TMEM185A: variants seen among roughly 807,000 people sequenced by gnomAD.
The protein encoded by TMEM185A is transmembrane protein 185A, also known as family with sequence similarity 11, member A.
Under a neutral mutation model 25.0 loss-of-function variants are expected in TMEM185A, and 9 were observed. The ratio of observed to expected loss-of-function variants is 0.36; its 90% confidence interval spans 0.22 to 0.63. The LOEUF is 0.63. TMEM185A is among the 20% of genes least tolerant of loss of function. The pLI, the probability that TMEM185A is intolerant of heterozygous loss-of-function variation, is 0.68. For missense variants in TMEM185A, 103 were observed against 237.4 expected, an observed-to-expected ratio of 0.43 and a Z score of 3.72; for synonymous variants, 45 against 93.5, an observed-to-expected ratio of 0.48 and a Z score of 2.99.
chrX:149,628,560 T>C (rs1293136113), intron 1 of TMEM185A, among the ~76,000 whole-genome samples: 1 of 112,153 alleles, frequency 8.9e-6, no homozygotes, highest in Non-Finnish European at 1.9e-5. Context: ...TTGACACTTG[T>C]GAATCATTCT....
intron 1 of TMEM185A, among the ~76,000 whole-genome samples, chrX:149,617,107 C>CA (rs1286342595): frequency 9.0e-6 from 1 of 111,659 alleles, no homozygotes; most frequent in African/African-American, 3.3e-5. Flanking sequence ...ATAACATATA[C>CA]AAAAATTTAT....
intron 3 of TMEM185A, among the ~76,000 whole-genome samples, chrX:149,607,395 G>A (rs2090058299): frequency 2.7e-5 from 3 of 112,061 alleles, no homozygotes; most frequent in Middle Eastern, 4.7e-3. Flanking sequence ...TTATGTGCCC[G>A]GGCTTTAGAG....
chrX:149,597,779 TCA>T lies in TMEM185A; in HGVS notation c.*230_*231del. The T allele has an allele frequency of 1.2e-5, 4 of 336,672 alleles. No individual in the cohort carries two copies. In the South Asian group the frequency reaches 1.7e-4, roughly 14 times the overall value. 27.7% of individuals were successfully genotyped at this position (336,672 alleles called of 1,213,427 possible). ...ACAGACGGTAATCCCACCCCTGTTC[TCA>T]CACTCTTCCTGGCATCCGCATCTGC... On this transcript the variant is annotated 3_prime_UTR_variant, in exon 7 of 7. Coordinates refer to ENST00000600449, the MANE Select transcript of TMEM185A (RefSeq NM_032508.4).
At chrX:149,615,267 C>T (rs1387500091) in intron 1 of TMEM185A, among the ~76,000 whole-genome samples, 3 of 111,647 alleles carry the variant, frequency 2.7e-5, no homozygotes, top group African/African-American at 6.5e-5. Context: ...AAGCATTTGA[C>T]GTAATTTGCT....
intron 4 of TMEM185A, chrX:149,603,669 A>T: frequency 5.6e-6 from 1 of 177,482 alleles, no homozygotes; most frequent in Non-Finnish European, 1.0e-5. Context: ...TGATACATGC[A>T]CTTGAAGAAT....
At chrX:149,605,714 T>A (rs1325533802) in intron 3 of TMEM185A, among the ~76,000 whole-genome samples, 1 of 112,353 alleles carries the variant, frequency 8.9e-6, no homozygotes, top group East Asian at 2.8e-4. Flanking sequence ...TTCTCCTGAA[T>A]CCCGTGCCCA....
chrX:149,611,586 A>T (rs2090084140), intron 1 of TMEM185A, 123 bp from the exon 2 acceptor site: 8 of 631,933 alleles, frequency 1.3e-5, no homozygotes, highest in Non-Finnish European at 1.9e-5. Context: ...ATAATCATTT[A>T]TTGAAAAGGT....
intron 2 of TMEM185A, 61 bp from the exon 3 acceptor site, chrX:149,608,895 G>T: frequency 1.0e-6 from 1 of 1,003,933 alleles, no homozygotes; most frequent in Non-Finnish European, 1.4e-6. Context: ...TAAGCAAGCA[G>T]TTCAGGGCAA....
In TMEM185A at chrX:149,621,801, G is replaced by C. The variant is rs138494760; in HGVS notation, c.38+9742C>G. On this transcript the variant is annotated intron_variant, in intron 1 of 6. Transcript: ENST00000600449. Reference sequence around the variant, plus strand: ...TGGAGAATGCAGTTCTTCTCATACTGAATCACTCTGACCTCCTTTTCTGTC... The same window carrying C: ...TGGAGAATGCAGTTCTTCTCATACTCAATCACTCTGACCTCCTTTTCTGTC... Among the ~76,000 whole-genome samples, 564 of 111,745 alleles carry C rather than the reference G, an allele frequency of 5.0e-3. 4 individuals carry two copies. The highest frequency in any genetic ancestry group is 0.014 in the Middle Eastern group (3 of 215).
intron 3 of TMEM185A, among the ~76,000 whole-genome samples, chrX:149,605,922 AG>A (rs1275051014): frequency 2.7e-5 from 3 of 112,093 alleles, no homozygotes; most frequent in Non-Finnish European, 5.6e-5. Flanking sequence ...CTCAGTACAT[AG>A]GTACATGGGG....
At chrX:149,623,686 A>G (rs1557355744) in intron 1 of TMEM185A, among the ~76,000 whole-genome samples, 2 of 111,744 alleles carry the variant, frequency 1.8e-5, no homozygotes, top group African/African-American at 6.5e-5. Context: ...GGAAAAAGCC[A>G]AAACATGAAA....
At chrX:149,608,483 A>C (rs1348507508) in intron 3 of TMEM185A, 144 bp downstream of exon 3, 1 of 533,077 alleles carries the variant, frequency 1.9e-6, no homozygotes, top group Non-Finnish European at 3.0e-6. Context: ...GGCGCATGCC[A>C]CCACACCCGG....
At chrX:149,625,877 G>A (rs1459449229) in intron 1 of TMEM185A, among the ~76,000 whole-genome samples, 1 of 112,070 alleles carries the variant, frequency 8.9e-6, no homozygotes, top group Non-Finnish European at 1.9e-5. Context: ...GCCACTAACA[G>A]GTTTGTTTTG....
At chrX:149,619,862 A>G (rs1233601456) in intron 1 of TMEM185A, among the ~76,000 whole-genome samples, 1 of 111,949 alleles carries the variant, frequency 8.9e-6, no homozygotes, top group African/African-American at 3.2e-5. Flanking sequence ...ATAGTATTCC[A>G]TGGTGTATAT....
chrX:149,628,443 C>A (rs1156709497), intron 1 of TMEM185A, among the ~76,000 whole-genome samples: 2 of 112,075 alleles, frequency 1.8e-5, no homozygotes, highest in African/African-American at 6.5e-5. Context: ...CATGTCTTAA[C>A]CTGCATAACT....
chrX:149,620,432 G>A (rs1258729980), intron 1 of TMEM185A, among the ~76,000 whole-genome samples: 1 of 111,874 alleles, frequency 8.9e-6, no homozygotes, highest in Non-Finnish European at 1.9e-5. Context: ...TGCATTCAGG[G>A]GTCAAGATTA....
chrX:149,625,927 A>T (rs1226704326), intron 1 of TMEM185A, among the ~76,000 whole-genome samples: 1 of 112,230 alleles, frequency 8.9e-6, no homozygotes, highest in Non-Finnish European at 1.9e-5. Flanking sequence ...GTTCCTTAGC[A>T]TACTGGATCT....
At chrX:149,631,510 G>C (rs1557356634) in intron 1 of TMEM185A, 33 bp downstream of exon 1, 5 of 1,151,304 alleles carry the variant, frequency 4.3e-6, no homozygotes, top group Non-Finnish European at 5.8e-6. Flanking sequence ...CCCGCAGCGC[G>C]GACTCCCGGG....
chrX:149,611,309 A>G lies in TMEM185A; in HGVS notation c.193T>C (p.Trp65Arg). 6 of 1,209,942 alleles carry G rather than the reference A, an allele frequency of 5.0e-6. No individual in the cohort carries two copies. The highest frequency in any genetic ancestry group is 6.7e-6 in the Non-Finnish European group (6 of 894,980). ...TACCGATATTGAGGATTTCGTGCCC[A>G]GACTCCAGTTCCAACTGAGGCTCCA... ...IVGASVGTGV[W>R]ARNPQYRAEG... Residue 65 changes from tryptophan to arginine, a missense_variant, in exon 2 of 7, where the codon TGG becomes CGG. Physicochemically the swap from Trp to Arg is moderately radical, Grantham distance 101. This residue lies in a region of TMEM185A where 102 missense variants were observed against 125.7 expected (regional missense o/e 0.81). Coordinates refer to ENST00000600449, the MANE Select transcript of TMEM185A (RefSeq NM_032508.4).
Sources: gnomAD v4.1 joint callset for allele counts (sites outside exome capture counted in the v4.1 genomes callset) on GRCh38, gnomAD v4.1.1 for gene constraint, gnomAD v4.1.1 regional missense constraint, MANE v1.5 for transcripts, NCBI Gene and HGNC (gene_info 2026-07-23, HGNC 2026-07-21) for gene names.